The following DPP6 variants were observed in gnomAD, a reference collection of about 807,000 sequenced individuals.
DPP6 encodes dipeptidyl peptidase like 6, also known as A-type potassium channel modulatory protein DPP6.
In DPP6, 69 loss-of-function variants were observed where a neutral mutation model predicts 122.6. The observed-to-expected ratio is 0.56, with a 90% CI of 0.46 to 0.69. DPP6 has a LOEUF of 0.69. DPP6 is among the 30% of genes least tolerant of loss of function. The pLI is 0.00. For synonymous variants in DPP6, 418 were observed against 433.1 expected (o/e 0.97, Z 0.43); for missense variants, 928 against 1,116.9 (o/e 0.83, Z 2.41).
rs540334668 is a variant in DPP6 at position 154,785,123 on chromosome 7, A to C, written c.1137-8956A>C. On this transcript the variant is annotated intron_variant, in intron 10 of 25. Transcript: ENST00000377770. The stretch of plus-strand genomic sequence containing the variant: ...TATTTCTCCATGACACCGTGGGTTT[A>C]TTTATTGTTGTTGTTAAGTTTTATT... Among the ~76,000 whole-genome samples the C allele has an allele frequency of 3.2e-4, 49 of 152,220 alleles. No homozygotes were observed. In the South Asian group the frequency reaches 9.6e-3, roughly 30 times the overall value.
At chr7:153,833,720 A>C in the DPP6 span, among the ~76,000 whole-genome samples, 1 of 151,864 alleles carries the variant, frequency 6.6e-6, no homozygotes, top group African/African-American at 2.4e-5. Context: ...AAATTCACCT[A>C]TCTGGCTTTG....
intron 4 of DPP6, 122 bp from the exon 5 acceptor site, chr7:154,566,720 G>A (rs1408862367): frequency 1.6e-6 from 1 of 614,512 alleles, no homozygotes; most frequent in Non-Finnish European, 2.8e-6. Context: ...AACAAAGAAA[G>A]GATATAGCCA....
intron 1 of DPP6, among the ~76,000 whole-genome samples, chr7:154,022,250 T>G (rs905504100): frequency 3.3e-5 from 5 of 152,142 alleles, no homozygotes. Flanking sequence ...ACCAGACTCT[T>G]TCTTAACCAG....
the DPP6 span, among the ~76,000 whole-genome samples, chr7:153,785,815 T>C: frequency 6.6e-6 from 1 of 152,068 alleles, no homozygotes; most frequent in Non-Finnish European, 1.5e-5. Context: ...CTACCAAGCC[T>C]AGCTAAGTTT....
intron 1 of DPP6, among the ~76,000 whole-genome samples, chr7:154,378,955 C>T (rs1350964921): frequency 6.6e-6 from 1 of 152,180 alleles, no homozygotes; most frequent in Non-Finnish European, 1.5e-5. Flanking sequence ...CTTCCATGAT[C>T]CAATCACCTC....
At chr7:153,819,697 C>T in the DPP6 span, among the ~76,000 whole-genome samples, 3 of 151,762 alleles carry the variant, frequency 2.0e-5, no homozygotes, top group South Asian at 2.1e-4. Context: ...ATAAGGAGGA[C>T]GGATGAAAGA....
intron 1 of DPP6, among the ~76,000 whole-genome samples, chr7:154,431,442 C>A (rs546632647): frequency 2.5e-5 from 3 of 121,746 alleles, no homozygotes; most frequent in African/African-American, 8.8e-5. Flanking sequence ...TTTTTCTTTC[C>A]TTTCTTTTCT....
intron 1 of DPP6, among the ~76,000 whole-genome samples, chr7:153,938,827 G>T (rs1801574351): frequency 6.6e-6 from 1 of 152,228 alleles, no homozygotes. Flanking sequence ...TGCCTGAGTT[G>T]TCACATTGCA....
chr7:154,126,626 A>G (rs1377941696), intron 1 of DPP6, among the ~76,000 whole-genome samples: 1 of 151,080 alleles, frequency 6.6e-6, no homozygotes, highest in Admixed American at 6.6e-5. Flanking sequence ...CGAAACCTGA[A>G]TTTTCAGGGG....
the DPP6 span, among the ~76,000 whole-genome samples, chr7:153,785,665 C>T: frequency 6.6e-6 from 1 of 151,956 alleles, no homozygotes; most frequent in Non-Finnish European, 1.5e-5. Flanking sequence ...TTTTCTGAGA[C>T]AGTGTCTTGC....
intron 1 of DPP6, among the ~76,000 whole-genome samples, chr7:153,928,635 C>T (rs935811357): frequency 4.6e-5 from 7 of 151,832 alleles, no homozygotes; most frequent in Admixed American, 4.6e-4. Context: ...TTTATCAGGG[C>T]AACAATCCCA....
chr7:154,550,077 G>A (rs1408670718), intron 4 of DPP6, among the ~76,000 whole-genome samples: 1 of 152,000 alleles, frequency 6.6e-6, no homozygotes, highest in Non-Finnish European at 1.5e-5. Flanking sequence ...CTTTAAGATT[G>A]AAAATTATGT....
intron 1 of DPP6, among the ~76,000 whole-genome samples, chr7:153,940,199 TC>T (rs1801633635): frequency 6.6e-6 from 1 of 152,120 alleles, no homozygotes; most frequent in African/African-American, 2.4e-5. Flanking sequence ...ATTTTGTCAG[TC>T]CACCGAAAAG....
chr7:153,893,309 C>G (rs1269711744), intron 1 of DPP6, among the ~76,000 whole-genome samples: 2 of 152,214 alleles, frequency 1.3e-5, no homozygotes, highest in Admixed American at 6.5e-5. Context: ...ATACTGCTAA[C>G]TTGATCATCA....
intron 8 of DPP6, among the ~76,000 whole-genome samples, chr7:154,742,341 T>C (rs1335620570): frequency 6.6e-6 from 1 of 152,232 alleles, no homozygotes; most frequent in African/African-American, 2.4e-5. Flanking sequence ...TCCTGCAAGA[T>C]GGTATTGAAC....
At chr7:154,234,282 C>T (rs886804582) in intron 1 of DPP6, among the ~76,000 whole-genome samples, 11 of 152,108 alleles carry the variant, frequency 7.2e-5, no homozygotes, top group Admixed American at 2.0e-4. Context: ...GGGAAACAGC[C>T]TATGAGTAGT....
chr7:154,538,547 G>A (rs368355943), intron 3 of DPP6, among the ~76,000 whole-genome samples: 1 of 152,138 alleles, frequency 6.6e-6, no homozygotes, highest in Admixed American at 6.6e-5. Context: ...GAACTCGTGA[G>A]GGGGTGTCAA....
chr7:153,853,179 C>A, the DPP6 span, among the ~76,000 whole-genome samples: 1 of 152,220 alleles, frequency 6.6e-6, no homozygotes, highest in Non-Finnish European at 1.5e-5. Flanking sequence ...ACCCTTGACC[C>A]CTCTTCTCTG....
At chr7:153,786,114 G>A in the DPP6 span, among the ~76,000 whole-genome samples, 1 of 152,198 alleles carries the variant, frequency 6.6e-6, no homozygotes, top group African/African-American at 2.4e-5. Context: ...AATTGGCCAT[G>A]TACTGAGCTG....
Sources: allele counts gnomAD v4.1 joint callset (sites outside exome capture counted in the v4.1 genomes callset), GRCh38; gene constraint gnomAD v4.1.1; transcripts MANE v1.5; gene names NCBI Gene and HGNC (gene_info 2026-07-23, HGNC 2026-07-21).